The following SHISA9 variants were observed in gnomAD, a reference collection of about 807,000 sequenced individuals.
SHISA9 encodes shisa family member 9, also known as protein shisa-9.
In SHISA9, 13 loss-of-function variants were observed where a neutral mutation model predicts 38.0. The observed-to-expected ratio is 0.34, with a 90% confidence interval of 0.22 to 0.54. The LOEUF (loss-of-function observed/expected upper bound fraction) is 0.54, where lower values mean the gene tolerates loss of function less well. SHISA9 is among the 20% of genes least tolerant of loss of function. The pLI is 0.91. For missense variants in SHISA9, 538 were observed against 575.8 expected (o/e 0.93, Z 0.67); for synonymous variants, 275 against 242.0 (o/e 1.14, Z -1.27).
chr16:13,504,826 G>T, the SHISA9 span, among the ~76,000 whole-genome samples: 1 of 152,120 alleles, frequency 6.6e-6, no homozygotes, highest in African/African-American at 2.4e-5. Flanking sequence ...TGTGATTCAA[G>T]AAACTGAGTC....
Position 12,932,048 on chromosome 16 carries a change from C to A in SHISA9, c.691+15233C>A, listed in dbSNP as rs138311406. Among the ~76,000 whole-genome samples the A allele has an allele frequency of 2.1e-3, 314 of 152,222 alleles. 1 individual carries two copies. The highest frequency in any genetic ancestry group is 3.9e-3 in the Non-Finnish European group (265 of 68,012). ...GATGGGTTTTTTAATAAAGTGCAGT[C>A]CCCCTGCACATGCTTTCTTGCCTGC... is the stretch of plus-strand genomic sequence containing the variant. On this transcript the variant is annotated intron_variant, in intron 2 of 4. Coordinates refer to ENST00000558583, the MANE Select transcript of SHISA9 (RefSeq NM_001145204.3).
the SHISA9 span, among the ~76,000 whole-genome samples, chr16:13,539,305 T>C: frequency 1.8e-5 from 1 of 54,524 alleles, no homozygotes; most frequent in Non-Finnish European, 4.0e-5. Flanking sequence ...AAATTTTACA[T>C]ATATATATAT....
chr16:13,309,766 T>C, the SHISA9 span, among the ~76,000 whole-genome samples: 2 of 152,036 alleles, frequency 1.3e-5, no homozygotes, highest in East Asian at 3.8e-4. Flanking sequence ...AGATTCTAGA[T>C]AATGGGTCAT....
rs1034944536 is a variant in SHISA9, at chr16:13,239,597, G to A, written c.*4188G>A. On this transcript the variant is annotated 3_prime_UTR_variant, in exon 5 of 5. Transcript: ENST00000558583. Reference sequence around the variant, plus strand: ...TTTCTCTGATGGCCAGTGATGATGAGCATTTTTTCATGTGTCTTTTGACTG... The same window carrying A: ...TTTCTCTGATGGCCAGTGATGATGAACATTTTTTCATGTGTCTTTTGACTG... 3.9e-5 allele frequency: 6 copies of A among 152,182 alleles called. No individual in the cohort carries two copies. The highest frequency in any genetic ancestry group is 7.3e-5 in the Non-Finnish European group (5 of 68,042). 9.4% of individuals were successfully genotyped at this position (152,182 alleles called of 1,614,324 possible). A position where few individuals can be genotyped will look rare whatever the true frequency, so the allele number is the denominator to read the frequency against.
chr16:13,083,488 G>A (rs1240444799), intron 2 of SHISA9, among the ~76,000 whole-genome samples: 2 of 152,210 alleles, frequency 1.3e-5, no homozygotes, highest in Non-Finnish European at 2.9e-5. Context: ...GAGAAGGGTA[G>A]TGAGGAAAGC....
intron 2 of SHISA9, among the ~76,000 whole-genome samples, chr16:13,155,872 C>G (rs1161943508): frequency 6.6e-6 from 1 of 151,620 alleles, no homozygotes; most frequent in African/African-American, 2.4e-5. Context: ...TTTCTTCCCT[C>G]TCCCAGAATG....
intron 2 of SHISA9, among the ~76,000 whole-genome samples, chr16:13,077,216 T>C (rs1385063035): frequency 6.6e-6 from 1 of 152,024 alleles, no homozygotes; most frequent in African/African-American, 2.4e-5. Context: ...CCTCTGTTTC[T>C]ATTTTTCACT....
chr16:13,556,941 T>A, the SHISA9 span, among the ~76,000 whole-genome samples: 1 of 152,172 alleles, frequency 6.6e-6, no homozygotes, highest in Non-Finnish European at 1.5e-5. Flanking sequence ...TCATTTTATA[T>A]AAAGGACTAG....
At chr16:13,406,766 A>T in the SHISA9 span, among the ~76,000 whole-genome samples, 438 of 152,244 alleles carry the variant, frequency 2.9e-3, 2 homozygotes, top group African/African-American at 9.9e-3. Flanking sequence ...TCACATGTTC[A>T]TGTACAAAAA....
At chr16:13,069,162 T>C (rs910174397) in intron 2 of SHISA9, among the ~76,000 whole-genome samples, 1 of 150,650 alleles carries the variant, frequency 6.6e-6, no homozygotes, top group East Asian at 1.9e-4. Flanking sequence ...TATGTGTATA[T>C]ATGTGTGTAC....
intron 2 of SHISA9, among the ~76,000 whole-genome samples, chr16:12,987,741 A>C (rs2072331535): frequency 6.6e-6 from 1 of 152,206 alleles, no homozygotes; most frequent in Non-Finnish European, 1.5e-5. Flanking sequence ...CCAGAACTTA[A>C]ATAAACAAGA....
chr16:13,049,927 C>G (rs559778764), intron 2 of SHISA9, among the ~76,000 whole-genome samples: 2 of 152,024 alleles, frequency 1.3e-5, no homozygotes, highest in African/African-American at 4.8e-5. Flanking sequence ...TGTCATTTGC[C>G]CCATATTTGT....
At chr16:13,025,574 A>G (rs2072910354) in intron 2 of SHISA9, among the ~76,000 whole-genome samples, 1 of 152,114 alleles carries the variant, frequency 6.6e-6, no homozygotes, top group African/African-American at 2.4e-5. Context: ...TAAAATCTCC[A>G]GAGGATCCTA....
the SHISA9 span, among the ~76,000 whole-genome samples, chr16:13,282,096 A>G: frequency 1.3e-5 from 2 of 151,758 alleles, no homozygotes; most frequent in African/African-American, 4.8e-5. Context: ...AGTGCTCATC[A>G]CTCTTTTGAG....
the SHISA9 span, among the ~76,000 whole-genome samples, chr16:13,547,482 C>G: frequency 0.42 from 63,285 of 151,920 alleles, 13,449 homozygotes; most frequent in Admixed American, 0.55. Flanking sequence ...TAATTTAGTT[C>G]AAGTCCAAAG....
chr16:13,541,935 C>T, the SHISA9 span, among the ~76,000 whole-genome samples: 52 of 152,284 alleles, frequency 3.4e-4, no homozygotes, highest in Admixed American at 1.4e-3. Flanking sequence ...GCCAAGACCT[C>T]AGAATGTGTC....
At chr16:13,497,270 G>A in the SHISA9 span, among the ~76,000 whole-genome samples, 1 of 152,178 alleles carries the variant, frequency 6.6e-6, no homozygotes, top group Non-Finnish European at 1.5e-5. Flanking sequence ...TATTTATGGG[G>A]TACAGTGTGA....
chr16:13,399,216 C>T, the SHISA9 span, among the ~76,000 whole-genome samples: 49 of 151,694 alleles, frequency 3.2e-4, no homozygotes, highest in Middle Eastern at 3.4e-3. Context: ...CACACCACTG[C>T]ACTCCAGCCT....
At chr16:13,558,944 A>C in the SHISA9 span, among the ~76,000 whole-genome samples, 1 of 152,242 alleles carries the variant, frequency 6.6e-6, no homozygotes, top group East Asian at 1.9e-4. Flanking sequence ...CGGGGGTTAC[A>C]AATAAATTTT....
Sources: gnomAD v4.1 joint callset for allele counts (sites outside exome capture counted in the v4.1 genomes callset) on GRCh38, gnomAD v4.1.1 for gene constraint, MANE v1.5 for transcripts, NCBI Gene and HGNC (gene_info 2026-07-23, HGNC 2026-07-21) for gene names.